ADGRV1: variants seen among roughly 807,000 people sequenced by gnomAD.
ADGRV1 encodes adhesion G protein-coupled receptor V1.
In ADGRV1, 359 loss-of-function variants were observed where a neutral mutation model predicts 596.2. The observed-to-expected ratio is 0.60, with a 90% CI of 0.55 to 0.66. The LOEUF (loss-of-function observed/expected upper bound fraction) is 0.66, where lower values mean the gene tolerates loss of function less well. Ranked by LOEUF, ADGRV1 falls within the 30% of genes least tolerant of loss-of-function variation. The pLI is 0.00. For missense variants in ADGRV1, 7,274 were observed against 7,575.6 expected (o/e 0.96, Z 1.48); for synonymous variants, 2,681 against 2,679.2 (o/e 1.00, Z -0.02).
In ADGRV1 at chr5:90,805,268, C is replaced by T; in HGVS notation, c.14662-16C>T. The T allele has an allele frequency of 6.2e-7, 1 of 1,603,662 alleles. No individual in the cohort carries two copies. Among genetic ancestry groups the T allele is most frequent in the South Asian group, 1.1e-5 (1 of 90,374 alleles). ...TTAGAGAGAAATAAAATACTCTAAG[C>T]ATGATTTTCCCTCAGGTCGGATTTG... is the stretch of plus-strand genomic sequence containing the variant. On this transcript the variant is annotated splice_polypyrimidine_tract_variant and intron_variant, in intron 71 of 89. Coordinates refer to ENST00000405460, the MANE Select transcript of ADGRV1 (RefSeq NM_032119.4).
intron 85 of ADGRV1, among the ~76,000 whole-genome samples, chr5:91,021,675 G>T (rs1783643824): frequency 6.6e-6 from 1 of 152,094 alleles, no homozygotes; most frequent in Admixed American, 6.6e-5. Flanking sequence ...TGTCCTGAAA[G>T]GATAGCAGCA....
chr5:90,588,474 G>T (rs1253987667), intron 1 of ADGRV1, among the ~76,000 whole-genome samples: 2 of 152,234 alleles, frequency 1.3e-5, no homozygotes, highest in East Asian at 1.9e-4. Context: ...TTGGGAGACG[G>T]TATTTTAAAT....
At chr5:90,639,071 AACACACACACAC>A (rs67813883) in intron 11 of ADGRV1, among the ~76,000 whole-genome samples, 3 of 147,944 alleles carry the variant, frequency 2.0e-5, no homozygotes, top group Non-Finnish European at 4.5e-5. Flanking sequence ...ACCAATTTAC[AACACACACACAC>A]ACACACACAC....
chr5:90,764,004 C>T (rs933419513), intron 59 of ADGRV1, among the ~76,000 whole-genome samples: 4 of 152,110 alleles, frequency 2.6e-5, no homozygotes. Context: ...AGTGGAAGCA[C>T]CTGCCCTGGT....
chr5:90,982,640 C>CTTCA (rs1275309424), intron 84 of ADGRV1, among the ~76,000 whole-genome samples: 1 of 152,230 alleles, frequency 6.6e-6, no homozygotes, highest in African/African-American at 2.4e-5. Flanking sequence ...CACACCTCTG[C>CTTCA]TTCACTGCCC....
At chr5:91,094,005 C>G (rs1181712364) in intron 86 of ADGRV1, among the ~76,000 whole-genome samples, 1 of 151,856 alleles carries the variant, frequency 6.6e-6, no homozygotes, top group Non-Finnish European at 1.5e-5. Context: ...GCATGCGCCA[C>G]CACACCCAGC....
Position 91,069,760 on chromosome 5 carries a change from G to A in ADGRV1, c.18153-2687G>A, listed in dbSNP as rs181753711. 2.0e-5 allele frequency among the ~76,000 whole-genome samples: 3 copies of A among 152,226 alleles called. No individual in the cohort carries two copies. The East Asian group carries it at 5.8e-4, about 29-fold the overall frequency. On this transcript the variant is annotated intron_variant, in intron 85 of 89. Transcript: ENST00000405460. ...TCCCAGCAATCCCATTACTGGATAT[G>A]TACCCAAATGAAAATAAATCGTTCT... is the stretch of plus-strand genomic sequence containing the variant.
At chr5:90,644,086 T>G in intron 14 of ADGRV1, 103 bp downstream of exon 14, 1 of 848,640 alleles carries the variant, frequency 1.2e-6, no homozygotes, top group Non-Finnish European at 1.7e-6. Context: ...TTGCTCACCC[T>G]GCCTTAGAAA....
At chr5:90,763,970 T>C (rs1401624403) in intron 59 of ADGRV1, among the ~76,000 whole-genome samples, 1 of 152,194 alleles carries the variant, frequency 6.6e-6, no homozygotes, top group Non-Finnish European at 1.5e-5. Context: ...CTATTGGGAA[T>C]AGGTTGACTG....
chr5:90,993,863 G>T (rs1263080084), intron 85 of ADGRV1, among the ~76,000 whole-genome samples: 1 of 151,244 alleles, frequency 6.6e-6, no homozygotes, highest in Non-Finnish European at 1.5e-5. Context: ...TGCATATATT[G>T]GTACATTTGA....
intron 48 of ADGRV1, among the ~76,000 whole-genome samples, chr5:90,726,401 C>T (rs950477707): frequency 6.6e-6 from 1 of 152,152 alleles, no homozygotes; most frequent in Non-Finnish European, 1.5e-5. Flanking sequence ...TGATCTCATT[C>T]CCTTCTAGTT....
chr5:90,923,734 A>C (rs1317863758), intron 83 of ADGRV1, among the ~76,000 whole-genome samples: 1 of 152,126 alleles, frequency 6.6e-6, no homozygotes. Context: ...CACCCACTAA[A>C]TCGTCATCTA....
rs763872010 is a variant in ADGRV1 at position 90,625,235 on chromosome 5, G to A, written c.664G>A (p.Asp222Asn). Residue 222 changes from aspartate (D) to asparagine (N), a missense_variant, in exon 6 of 90, where the codon GAT (aspartate) becomes AAT (asparagine). By Grantham distance (23) the Asp-to-Asn change is conservative (BLOSUM62 1). Transcript: ENST00000405460. ...AGTAATTTATAACTTGACAGTACTC[G>A]ATGACGAGGTTGGCTAATGTTACAT... ...ATVIYNLTVL[D>N]DEVPENDEIF... 20 of 1,606,866 alleles carry A rather than the reference G, an allele frequency of 1.2e-5. No homozygotes were observed. Among genetic ancestry groups the A allele is most frequent in the Admixed American group, 3.3e-5 (2 of 59,930 alleles).
chr5:90,807,674 C>G lies in ADGRV1; in HGVS notation c.14909C>G (p.Pro4970Arg), dbSNP rs1285850752. Reference protein sequence around the residue: ...FLWTFPSPGWPEAFVLHLSGV... With the variant: ...FLWTFPSPGWREAFVLHLSGV... ...TGGACGTTTCCTAGCCCTGGTTGGC[C>G]AGAGGCCTTTGTTCTTCACCTATCA... is the stretch of plus-strand genomic sequence containing the variant. The change falls in exon 73 of 90, where the codon CCA becomes CGA. Residue 4970 changes from proline to arginine, a missense_variant. Coordinates refer to ENST00000405460, the MANE Select transcript of ADGRV1 (RefSeq NM_032119.4). 1.9e-6 allele frequency: 3 copies of G among 1,612,038 alleles called. No homozygotes were observed. The African/African-American group carries it at 4.0e-5, about 22-fold the overall frequency.
intron 86 of ADGRV1, among the ~76,000 whole-genome samples, chr5:91,076,179 CTT>C (rs551338117): frequency 3.5e-4 from 54 of 152,300 alleles, no homozygotes; most frequent in African/African-American, 1.2e-3. Flanking sequence ...CTGGACATCA[CTT>C]TACTTCTTTA....
intron 50 of ADGRV1, among the ~76,000 whole-genome samples, chr5:90,742,863 A>G (rs939699384): frequency 2.0e-5 from 3 of 152,226 alleles, no homozygotes; most frequent in Admixed American, 6.5e-5. Flanking sequence ...GAGGATGTCA[A>G]AGATGAGCCC....
At position 90,759,461 on chromosome 5, in the gene ADGRV1, C is replaced by G. The variant is rs559460855; in HGVS notation, c.11993C>G (p.Thr3998Arg). Residue 3998 changes from threonine (T) to arginine (R), a missense_variant, in exon 58 of 90, where the codon ACA (threonine) becomes AGA (arginine). Physicochemically the swap from Thr to Arg is moderately conservative, Grantham distance 71 (BLOSUM62 -1). Around this residue, in one of 5 missense-constraint regions of ADGRV1, gnomAD observed 3,643 missense variants for 3,809.2 expected, o/e 0.96. Coordinates refer to ENST00000405460, the MANE Select transcript of ADGRV1 (RefSeq NM_032119.4). ...TIIDDAEFELTETFNISLISV... is the reference protein window; with the variant it reads ...TIIDDAEFELRETFNISLISV... ...ATTGATGATGCTGAATTTGAATTGA[C>G]AGAGACGTTCAATATTTCCTTGATC... The G allele has an allele frequency of 6.3e-7, 1 of 1,597,376 alleles. No homozygotes were observed. The highest frequency in any genetic ancestry group is 1.3e-5 in the African/African-American group (1 of 74,862).
chr5:91,154,573 T>G (rs929584143), intron 89 of ADGRV1, among the ~76,000 whole-genome samples: 8 of 152,240 alleles, frequency 5.3e-5, no homozygotes, highest in African/African-American at 1.9e-4. Context: ...TCTCGAGTGC[T>G]TTGTTAAGAA....
intron 86 of ADGRV1, among the ~76,000 whole-genome samples, chr5:91,095,844 G>A (rs938784879): frequency 6.6e-6 from 1 of 151,782 alleles, no homozygotes; most frequent in Non-Finnish European, 1.5e-5. Context: ...ATGCAATGGT[G>A]CGATCTTGGC....
Sources: gnomAD v4.1 joint callset for allele counts (sites outside exome capture counted in the v4.1 genomes callset) on GRCh38, gnomAD v4.1.1 for gene constraint, gnomAD v4.1.1 regional missense constraint, MANE v1.5 for transcripts, NCBI Gene and HGNC (gene_info 2026-07-23, HGNC 2026-07-21) for gene names.